LPIN1: variants seen among roughly 807,000 people sequenced by gnomAD.
The protein encoded by LPIN1 is phosphatidate phosphatase LPIN1.
A neutral mutation model predicts 107.5 loss-of-function variants in LPIN1; 71 were observed. The observed-to-expected ratio is 0.66, with a 90% CI of 0.55 to 0.80. LPIN1 has a LOEUF of 0.80. LPIN1 is among the 30% of genes least tolerant of loss of function. The pLI is 0.00. For missense variants in LPIN1, 1,043 were observed against 1,160.6 expected (o/e 0.90, Z 1.47); for synonymous variants, 445 against 452.6 (o/e 0.98, Z 0.21).
chr2:11,787,709 A>C (rs1233703064), intron 11 of LPIN1, among the ~76,000 whole-genome samples: 1 of 152,044 alleles, frequency 6.6e-6, no homozygotes, highest in East Asian at 1.9e-4. Flanking sequence ...TGGGAGGCCA[A>C]GGCAGGCGGA....
chr2:11,808,302 C>G (rs1249745118), intron 17 of LPIN1, among the ~76,000 whole-genome samples: 1 of 152,170 alleles, frequency 6.6e-6, no homozygotes, highest in South Asian at 2.1e-4. Flanking sequence ...CTAGCAGGCT[C>G]TCTCAAGCCT....
chr2:11,696,359 C>A (rs940639910), intron 1 of LPIN1, among the ~76,000 whole-genome samples: 6 of 152,046 alleles, frequency 3.9e-5, no homozygotes, highest in African/African-American at 1.4e-4. Flanking sequence ...ATGCCAGAAT[C>A]CCCAGCTTCC....
At position 11,771,646 on chromosome 2, in the gene LPIN1, C is replaced by T. The variant is rs200121985; in HGVS notation, c.563C>T (p.Ser188Leu). Residue 188 changes from serine (S) to leucine (L), a missense_variant, in exon 4 of 21, where the codon TCG becomes TTG. Transcript: ENST00000674199. The surrounding 1 kb of genome is among the most constrained non-coding windows in gnomAD (Gnocchi z 4.8). ...DEDMFPIEMS[S>L]DEAMELLESS... ...GACATGTTCCCCATCGAGATGAGCT[C>T]GGATGAGGCCATGGAGCTGCTGGAG... The T allele has an allele frequency of 6.3e-6, 10 of 1,599,058 alleles. No homozygotes were observed. The highest frequency in any genetic ancestry group is 2.3e-5 in the South Asian group (2 of 88,444).
At position 11,779,533 on chromosome 2, in the gene LPIN1, G is replaced by A; in HGVS notation, c.845G>A (p.Arg282Gln). Residue 282 changes from arginine to glutamine, a missense_variant, in exon 7 of 21, where the codon CGA (arginine) becomes CAA (glutamine). Transcript: ENST00000674199. ...TTTTCCTTAAGTCCTTCCGGTTCCC[G>A]ACCTTCAACACCTAAAAGTGATTCA... is the stretch of plus-strand genomic sequence containing the variant. ...FHPSESPSGS[R>Q]PSTPKSDSEL... 1 of 1,613,708 alleles carries A rather than the reference G, an allele frequency of 6.2e-7. No homozygotes were observed. The highest frequency in any genetic ancestry group is 1.1e-5 in the South Asian group (1 of 91,042).
rs1306864092 is a variant in LPIN1 at position 11,786,575 on chromosome 2, G to T, written c.1550-499G>T. Among the ~76,000 whole-genome samples the T allele has an allele frequency of 6.6e-6, 1 of 152,084 alleles. No homozygotes were observed. Among genetic ancestry groups the T allele is most frequent in the African/African-American group, 2.4e-5 (1 of 41,414 alleles). ...TTGTGGTGGAGGCAGCCCCATTTTT[G>T]AAAGGGCCCTGTGCTTTCTATTTAC... On this transcript the variant is annotated intron_variant, in intron 10 of 20. Transcript: ENST00000674199. The surrounding 1 kb of genome is among the most constrained non-coding windows in gnomAD (Gnocchi z 4.1).
At position 11,765,861 on chromosome 2, in the gene LPIN1, C is replaced by A; in HGVS notation, c.192+128C>A. 1.3e-6 allele frequency: 1 copy of A among 749,440 alleles called. No individual in the cohort carries two copies. Among genetic ancestry groups the A allele is most frequent in the Non-Finnish European group, 2.1e-6 (1 of 466,984 alleles). The allele number at this position is 749,440 out of a possible 1,614,324, so 46.4% of individuals were successfully genotyped here. ...GGTCTTCGTTGGAAATGGCCAGTCACGGAACTGACAGTGACTAATTGAAAT... is the reference window on the plus strand; with the variant it reads ...GGTCTTCGTTGGAAATGGCCAGTCAAGGAACTGACAGTGACTAATTGAAAT... On this transcript the variant is annotated intron_variant, in intron 2 of 20. Transcript: ENST00000674199. This position sits in a 1 kb window ranked among gnomAD's most constrained non-coding sequence, Gnocchi z 4.4.
Position 11,825,233 on chromosome 2 carries a change from TAGC to T in LPIN1, c.*444_*446del. 4.3e-6 allele frequency: 1 copy of T among 232,156 alleles called. No homozygotes were observed. The highest frequency in any genetic ancestry group is 8.7e-6 in the Non-Finnish European group (1 of 115,430). The allele number at this position is 232,156 out of a possible 1,614,324, so 14.4% of individuals were successfully genotyped here. A position where few individuals can be genotyped will look rare whatever the true frequency, so the allele number is the denominator to read the frequency against. ...CAAAGTAGGGGGCACATTTCCATTATAGCAATGTTAGTGCCACCACCTTCTGAA... is the reference window on the plus strand; with the variant it reads ...CAAAGTAGGGGGCACATTTCCATTATAATGTTAGTGCCACCACCTTCTGAA... On this transcript the variant is annotated 3_prime_UTR_variant, in exon 21 of 21. Transcript: ENST00000674199. The surrounding 1 kb of genome is among the most constrained non-coding windows in gnomAD (Gnocchi z 4.1).
intron 1 of LPIN1, among the ~76,000 whole-genome samples, chr2:11,711,523 A>G (rs1283201382): frequency 6.6e-6 from 1 of 152,188 alleles, no homozygotes; most frequent in Non-Finnish European, 1.5e-5. Context: ...AGAGACTAGA[A>G]TATTCCTCCC....
chr2:11,684,588 A>G (rs182536226), intron 1 of LPIN1, among the ~76,000 whole-genome samples: 91 of 152,254 alleles, frequency 6.0e-4, no homozygotes, highest in Middle Eastern at 3.4e-3. Context: ...AAATAAGACA[A>G]TGTTGTGGGG....
At chr2:11,719,370 G>C (rs531976779), upstream of LPIN1, among the ~76,000 whole-genome samples, 1 of 152,334 alleles carries the variant, frequency 6.6e-6, no homozygotes, top group South Asian at 2.1e-4. Context: ...CCAGGAGCTG[G>C]CTGTTATCTG....
At chr2:11,692,120 C>T (rs1259415035) in intron 1 of LPIN1, among the ~76,000 whole-genome samples, 1 of 152,220 alleles carries the variant, frequency 6.6e-6, no homozygotes, top group African/African-American at 2.4e-5. Flanking sequence ...CTTGGGGGAA[C>T]CCAGGATGAA....
At position 11,769,396 on chromosome 2, in the gene LPIN1, T is replaced by TTG. The variant is rs549478968; in HGVS notation, c.288+1552_288+1553dup. On this transcript the variant is annotated intron_variant, in intron 3 of 20. Transcript: ENST00000674199. ...ATGTCTATTCAGATCCTTTGCTAGTTTGTGTGTGTGTGTGTATGTGTGTGT... is the reference window on the plus strand; with the variant it reads ...ATGTCTATTCAGATCCTTTGCTAGTTTGTGTGTGTGTGTGTGTATGTGTGTGT... 2.1e-4 allele frequency among the ~76,000 whole-genome samples: 32 copies of TTG among 151,510 alleles called. No homozygotes were observed. In the South Asian group the frequency reaches 2.3e-3, roughly 11 times the overall value.
intron 5 of LPIN1, among the ~76,000 whole-genome samples, chr2:11,775,108 TTATA>T (rs2148641897): frequency 6.6e-6 from 1 of 152,332 alleles, no homozygotes; most frequent in Non-Finnish European, 1.5e-5. Context: ...TACCAAGTCT[TTATA>T]AACTCCATTA....
chr2:11,775,503 G>T (rs1449508343), intron 5 of LPIN1, among the ~76,000 whole-genome samples: 1 of 152,154 alleles, frequency 6.6e-6, no homozygotes, highest in African/African-American at 2.4e-5. Flanking sequence ...ATCACCAAAT[G>T]GAATGACAAA....
rs1682458190 is a variant in LPIN1 at position 11,827,069 on chromosome 2, A to G, written c.*2278A>G. 1 of 152,674 alleles carries G rather than the reference A, an allele frequency of 6.5e-6. No homozygotes were observed. The highest frequency in any genetic ancestry group is 2.1e-4 in the South Asian group (1 of 4,838). 9.5% of individuals were successfully genotyped at this position (152,674 alleles called of 1,614,324 possible). On this transcript the variant is annotated 3_prime_UTR_variant, in exon 21 of 21. Transcript: ENST00000674199. This position sits in a 1 kb window ranked among gnomAD's most constrained non-coding sequence, Gnocchi z 4.1. ...CTGAGGTCATGTGCTGGAATGCTGT[A>G]TTTGGACCACACATTTCAAAGTTGC...
intron 1 of LPIN1, among the ~76,000 whole-genome samples, chr2:11,752,198 T>TTTA (rs1176911925): frequency 4.6e-5 from 7 of 152,188 alleles, no homozygotes; most frequent in Non-Finnish European, 1.0e-4. Flanking sequence ...CATTGCCACA[T>TTTA]TGCTTACCCC....
At chr2:11,689,741 T>C (rs1397887156) in intron 1 of LPIN1, among the ~76,000 whole-genome samples, 2 of 152,048 alleles carry the variant, frequency 1.3e-5, no homozygotes, top group Admixed American at 6.6e-5. Flanking sequence ...CCATCTCTAC[T>C]AAAAATACAA....
chr2:11,801,781 G>T (rs1195920919), intron 14 of LPIN1, among the ~76,000 whole-genome samples: 2 of 152,166 alleles, frequency 1.3e-5, no homozygotes, highest in African/African-American at 4.8e-5. Flanking sequence ...ACAAAGAAAT[G>T]ATAACTGTTT....
intron 1 of LPIN1, among the ~76,000 whole-genome samples, chr2:11,696,916 G>A (rs1428836691): frequency 1.3e-5 from 2 of 152,304 alleles, no homozygotes; most frequent in African/African-American, 2.4e-5. Context: ...TCCCCTGGCC[G>A]CACCTCCTCT....
Sources: gnomAD v4.1 joint callset for allele counts (sites outside exome capture counted in the v4.1 genomes callset) on GRCh38, gnomAD v4.1.1 for gene constraint, Gnocchi (gnomAD v3.1) non-coding constraint, MANE v1.5 for transcripts, NCBI Gene and HGNC (gene_info 2026-07-23, HGNC 2026-07-21) for gene names.